The following CD4 variants were observed in gnomAD, a reference collection of about 807,000 sequenced individuals.
CD4 encodes the protein T-cell surface glycoprotein CD4.
A neutral mutation model predicts 50.5 loss-of-function variants in CD4; 25 were observed. That is an observed-to-expected ratio of 0.49 (90% CI 0.36 to 0.69). The LOEUF (loss-of-function observed/expected upper bound fraction) is 0.69. Among genes scored for constraint, CD4 ranks in the 30% least tolerant of loss-of-function variants. The probability of loss-of-function intolerance (pLI) is 0.00; values close to 1 mark genes in which losing one functional copy is unlikely to be tolerated. For synonymous variants in CD4, 207 were observed against 221.9 expected, an observed-to-expected ratio of 0.93 and a Z score of 0.60; for missense variants, 456 against 548.5, an observed-to-expected ratio of 0.83 and a Z score of 1.68.
chr12:6,789,856 A>C (rs1221968743), intron 1 of CD4, among the ~76,000 whole-genome samples, 194 bp downstream of exon 1: 1 of 152,252 alleles, frequency 6.6e-6, no homozygotes, highest in Non-Finnish European at 1.5e-5. Flanking sequence ...AGACTGTGCT[A>C]GACTCCTCTC....
At chr12:6,815,838 G>A (rs1943069526) in intron 5 of CD4, 15 of 1,493,364 alleles carry the variant, frequency 1.0e-5, no homozygotes, top group African/African-American at 1.4e-5. Flanking sequence ...GATGGCTTCC[G>A]GGAGGAGGGA....
chr12:6,815,732 GTGA>G (rs1565500302), intron 5 of CD4: 2 of 1,355,198 alleles, frequency 1.5e-6, no homozygotes, highest in South Asian at 1.2e-5. Context: ...TTTGTGAAGG[GTGA>G]TGAATACGCC....
chr12:6,817,100 C>A (rs781983729), intron 6 of CD4, 30 bp from the exon 7 acceptor site: 1 of 1,596,202 alleles, frequency 6.3e-7, no homozygotes, highest in East Asian at 2.2e-5. Context: ...AATCTCAGGC[C>A]TTTGATCTCA....
At chr12:6,798,866 C>T (rs1380030634) in intron 1 of CD4, 1 of 152,394 alleles carries the variant, frequency 6.6e-6, no homozygotes, top group African/African-American at 2.4e-5. Context: ...ATCTAATAAT[C>T]TTCTTCTCTA....
chr12:6,818,504 C>T lies in CD4; in HGVS notation c.1240C>T (p.Leu414=), dbSNP rs1335577758. ...CGCCGGCCTCCTGCTTTTCATTGGG[C>T]TAGGCATCTTCTTCTGTGTCAGGTG... ...GVAGLLLFIG[L]GIFFCVRCRH... Residue 414 remains leucine, a synonymous_variant, in exon 8 of 10, where the codon CTA becomes TTA. Coordinates refer to ENST00000011653, the MANE Select transcript of CD4 (RefSeq NM_000616.5). This position sits in a 1 kb window ranked among gnomAD's most constrained non-coding sequence, Gnocchi z 5.0. 1 of 1,612,968 alleles carries T rather than the reference C, an allele frequency of 6.2e-7. No individual in the cohort carries two copies. Among genetic ancestry groups the T allele is most frequent in the African/African-American group, 1.3e-5 (1 of 74,922 alleles).
rs74431479 is a variant in CD4, at chr12:6,811,985, A to T, written c.215-2157A>T. Among the ~76,000 whole-genome samples, 170 of 152,184 alleles carry T rather than the reference A, an allele frequency of 1.1e-3. No individual in the cohort carries two copies. The East Asian group carries it at 0.018, about 16-fold the overall frequency. On this transcript the variant is annotated intron_variant, in intron 3 of 9. Coordinates refer to ENST00000011653, the MANE Select transcript of CD4 (RefSeq NM_000616.5). ...CCACCACACCCAGCTAATTTTTTTT[A>T]AAATAATTTTTTTTAGAGACGAGGG...
intron 1 of CD4, among the ~76,000 whole-genome samples, chr12:6,798,571 A>G (rs1390552177): frequency 6.6e-6 from 1 of 152,208 alleles, no homozygotes; most frequent in Non-Finnish European, 1.5e-5. Flanking sequence ...GATTAACAGC[A>G]TCTCAAAGCA....
At chr12:6,803,451 T>G (rs2067808563) in intron 3 of CD4, among the ~76,000 whole-genome samples, 1 of 149,828 alleles carries the variant, frequency 6.7e-6, no homozygotes, top group African/African-American at 2.4e-5. Flanking sequence ...GCCTGACCAG[T>G]GAACACTTAA....
chr12:6,818,307 T>TC lies in CD4; in HGVS notation c.1157-109dup. On this transcript the variant is annotated intron_variant, in intron 7 of 9. Transcript: ENST00000011653. This position sits in a 1 kb window ranked among gnomAD's most constrained non-coding sequence, Gnocchi z 5.0. Reference sequence around the variant, plus strand: ...AGAGCCCCCAGGCACCCCTCCCCTCTCCCCCAACCCCAGGGTCAAACCAGA... The same window carrying TC: ...AGAGCCCCCAGGCACCCCTCCCCTCTCCCCCCAACCCCAGGGTCAAACCAGA... 4 of 1,279,092 alleles carry TC rather than the reference T, an allele frequency of 3.1e-6. No homozygotes were observed. The highest frequency in any genetic ancestry group is 1.3e-5 in the South Asian group (1 of 76,046). The allele number at this position is 1,279,092 out of a possible 1,614,324, so 79.2% of individuals were successfully genotyped here.
At position 6,800,352 on chromosome 12, in the gene CD4, A is replaced by G. The variant is rs782235609; in HGVS notation, c.95A>G (p.Lys32Arg). 34 of 1,613,986 alleles carry G rather than the reference A, an allele frequency of 2.1e-5. No individual in the cohort carries two copies. Among genetic ancestry groups the G allele is most frequent in the Non-Finnish European group, 2.6e-5 (31 of 1,180,018 alleles). Residue 32 changes from lysine to arginine, a missense_variant, in exon 3 of 10, where the codon AAA becomes AGA. Transcript: ENST00000011653. ...CAGGGAAAGAAAGTGGTGCTGGGCA[A>G]AAAAGGGGATACAGTGGAACTGACC... ...ATQGKKVVLG[K>R]KGDTVELTCT...
intron 1 of CD4, among the ~76,000 whole-genome samples, chr12:6,790,422 A>C (rs2137822701): frequency 6.6e-6 from 1 of 152,390 alleles, no homozygotes; most frequent in African/African-American, 2.4e-5. Context: ...TTCATGAAAT[A>C]GGAAAGCTAA....
chr12:6,813,712 T>C (rs1943005740), intron 3 of CD4: 1 of 156,716 alleles, frequency 6.4e-6, no homozygotes, highest in Non-Finnish European at 1.4e-5. Flanking sequence ...ATTGTACTGG[T>C]TTATTCTCCT....
At position 6,814,114 on chromosome 12, in the gene CD4, T is replaced by TC. The variant is rs28917499; in HGVS notation, c.215-20dup. 2.6e-3 allele frequency: 4,218 copies of TC among 1,598,354 alleles called. 50 individuals carry two copies. Among genetic ancestry groups the TC allele is most frequent in the South Asian group, 0.023 (2,107 of 90,020 alleles). On this transcript the variant is annotated intron_variant, in intron 3 of 9. Coordinates refer to ENST00000011653, the MANE Select transcript of CD4 (RefSeq NM_000616.5). Reference sequence around the variant, plus strand: ...GTGCCCTGTCTCCAGGGCGCCTCAGTCCCCCCCCATATGTCTTCTGCTCCC... The same window carrying TC: ...GTGCCCTGTCTCCAGGGCGCCTCAGTCCCCCCCCCATATGTCTTCTGCTCCC...
rs1555114029 is a variant in CD4 at position 6,793,970 on chromosome 12, A to ATCTATCTATC, written c.-68+4309_-68+4310insCTATCTATCT. On this transcript the variant is annotated intron_variant, in intron 1 of 9. Transcript: ENST00000011653. ...CACGACACCCGGCTTCTATCTATCT[A>ATCTATCTATC]TATCTATCTATCTATCTATCTATCT... is the stretch of plus-strand genomic sequence containing the variant. 8.7e-4 allele frequency among the ~76,000 whole-genome samples: 117 copies of ATCTATCTATC among 133,918 alleles called. 2 individuals carry two copies. Among genetic ancestry groups the ATCTATCTATC allele is most frequent in the African/African-American group, 3.0e-3 (94 of 31,822 alleles). The allele number at this position is 133,918 out of a possible 152,430, so 87.9% of individuals were successfully genotyped here.
chr12:6,796,449 C>G (rs1942379084), intron 1 of CD4, among the ~76,000 whole-genome samples: 1 of 152,192 alleles, frequency 6.6e-6, no homozygotes. Flanking sequence ...GACACCTTCC[C>G]CAGGCAGTCA....
At position 6,816,163 on chromosome 12, in the gene CD4, T is replaced by C; in HGVS notation, c.715T>C (p.Trp239Arg). ...VEKLTGSGEL[W>R]WQAERASSSK... The stretch of plus-strand genomic sequence containing the variant: ...AAAGCTGACGGGCAGTGGCGAGCTG[T>C]GGTGGCAGGCGGAGAGGGCTTCCTC... Residue 239 changes from tryptophan to arginine, a missense_variant, in exon 6 of 10, where the codon TGG becomes CGG. Trp to Arg is a moderately radical substitution (Grantham distance 101). Coordinates refer to ENST00000011653, the MANE Select transcript of CD4 (RefSeq NM_000616.5). This position sits in a 1 kb window ranked among gnomAD's most constrained non-coding sequence, Gnocchi z 4.9. 1 of 1,614,172 alleles carries C rather than the reference T, an allele frequency of 6.2e-7. No individual in the cohort carries two copies. The highest frequency in any genetic ancestry group is 8.5e-7 in the Non-Finnish European group (1 of 1,180,022).
In CD4 at chr12:6,795,679, A is replaced by T. The variant is rs12318202; in HGVS notation, c.-67-4393A>T. Among the ~76,000 whole-genome samples, 1,355 of 152,362 alleles carry T rather than the reference A, an allele frequency of 8.9e-3. 25 individuals are homozygous for T. The highest frequency in any genetic ancestry group is 0.031 in the African/African-American group (1,284 of 41,582). On this transcript the variant is annotated intron_variant, in intron 1 of 9. Coordinates refer to ENST00000011653, the MANE Select transcript of CD4 (RefSeq NM_000616.5). ...CCAGAGAGTGCTTGCACTCTGGATA[A>T]GGGGCCACCCCACAGAAGCTGTGGA...
intron 1 of CD4, among the ~76,000 whole-genome samples, chr12:6,795,342 G>A (rs536864826): frequency 1.8e-4 from 28 of 151,942 alleles, no homozygotes; most frequent in African/African-American, 4.1e-4. Context: ...CACCTACCAC[G>A]TATTAAGCCC....
intron 4 of CD4, 184 bp downstream of exon 4, chr12:6,814,484 G>T (rs1943033643): frequency 1.5e-6 from 1 of 660,892 alleles, no homozygotes; most frequent in East Asian, 2.7e-5. Context: ...CTGGTGGGCG[G>T]AGGAGGGAAG....
Sources: gnomAD v4.1 joint callset for allele counts (sites outside exome capture counted in the v4.1 genomes callset) on GRCh38, gnomAD v4.1.1 for gene constraint, Gnocchi (gnomAD v3.1) non-coding constraint, MANE v1.5 for transcripts, NCBI Gene and HGNC (gene_info 2026-07-23, HGNC 2026-07-21) for gene names.